SLC9D1: variants seen among roughly 807,000 people sequenced by gnomAD.
SLC9D1 encodes the protein solute carrier family 9 member D1.
At chr13:113,520,745 G>C in the SLC9D1 span, 1 of 1,569,090 alleles carries the variant, frequency 6.4e-7, no homozygotes, top group Non-Finnish European at 8.8e-7. Context: ...TAAACGCTTT[G>C]TGTACGCAAT....
chr13:113,495,551 A>G, the SLC9D1 span: 4 of 1,487,524 alleles, frequency 2.7e-6, no homozygotes, highest in Admixed American at 6.8e-5. Flanking sequence ...AGACCCGTGG[A>G]TTGCTGTGCC....
chr13:113,507,022 A>G, the SLC9D1 span, among the ~76,000 whole-genome samples: 2 of 152,016 alleles, frequency 1.3e-5, no homozygotes, highest in East Asian at 3.8e-4. Flanking sequence ...GATGCGTGGA[A>G]GGACACTGGA....
the SLC9D1 span, among the ~76,000 whole-genome samples, chr13:113,496,386 T>G: frequency 6.6e-6 from 1 of 152,236 alleles, no homozygotes; most frequent in African/African-American, 2.4e-5. Context: ...AAATCAACAT[T>G]TGCTGAGTTT....
At chr13:113,507,067 T>C in the SLC9D1 span, among the ~76,000 whole-genome samples, 28,036 of 151,888 alleles carry the variant, frequency 0.18, 3,423 homozygotes, top group African/African-American at 0.35. Flanking sequence ...AACTCCTTGC[T>C]GACATCTGAT....
At chr13:113,540,276 G>A in the SLC9D1 span, among the ~76,000 whole-genome samples, 1 of 152,150 alleles carries the variant, frequency 6.6e-6, no homozygotes, top group South Asian at 2.1e-4. Flanking sequence ...TTGCTGGGTC[G>A]AATGGTAATT....
chr13:113,542,509 G>A, the SLC9D1 span, among the ~76,000 whole-genome samples: 1 of 152,208 alleles, frequency 6.6e-6, no homozygotes, highest in South Asian at 2.1e-4. Context: ...GCCCACACAG[G>A]GCAAGTGGTG....
the SLC9D1 span, chr13:113,533,899 G>T: frequency 1.5e-6 from 1 of 667,102 alleles, no homozygotes; most frequent in Admixed American, 2.9e-5. Flanking sequence ...TGATTCATAG[G>T]TGTTTTTGTA....
the SLC9D1 span, among the ~76,000 whole-genome samples, chr13:113,507,620 T>A: frequency 6.6e-6 from 1 of 152,222 alleles, no homozygotes; most frequent in Non-Finnish European, 1.5e-5. Context: ...CCCTTGTAGC[T>A]GCTCGCTCCT....
chr13:113,506,573 G>A, the SLC9D1 span, among the ~76,000 whole-genome samples: 1 of 151,966 alleles, frequency 6.6e-6, no homozygotes, highest in African/African-American at 2.4e-5. Flanking sequence ...GTGTGTGTGT[G>A]TGTGTGTAAT....
At chr13:113,541,712 T>A in the SLC9D1 span, among the ~76,000 whole-genome samples, 150 of 28,380 alleles carry the variant, frequency 5.3e-3, 5 homozygotes, top group African/African-American at 0.023. Flanking sequence ...CCATGCTTTA[T>A]TACCGCCGAG....
the SLC9D1 span, among the ~76,000 whole-genome samples, chr13:113,499,504 C>T: frequency 3.9e-5 from 6 of 152,152 alleles, no homozygotes; most frequent in African/African-American, 7.2e-5. Context: ...ATCTCTGAAG[C>T]AGGAATTCAG....
the SLC9D1 span, chr13:113,503,377 GTGTGTGTA>G: frequency 1.5e-4 from 90 of 618,578 alleles, no homozygotes; most frequent in African/African-American, 8.4e-4. Context: ...GTGTGTGTGT[GTGTGTGTA>G]TGTGTGTTTT....
At chr13:113,494,983 T>C in the SLC9D1 span, among the ~76,000 whole-genome samples, 1 of 152,160 alleles carries the variant, frequency 6.6e-6, no homozygotes, top group Non-Finnish European at 1.5e-5. Context: ...TCCCGGGTTC[T>C]AGCGATTAGT....
chr13:113,523,266 G>A, the SLC9D1 span, among the ~76,000 whole-genome samples: 1 of 152,094 alleles, frequency 6.6e-6, no homozygotes, highest in Non-Finnish European at 1.5e-5. Flanking sequence ...GTAGAATTCT[G>A]CAGTAAAACC....
At chr13:113,496,127 C>T in the SLC9D1 span, 649 of 852,260 alleles carry the variant, frequency 7.6e-4, 2 homozygotes, top group African/African-American at 9.3e-3. Flanking sequence ...ACAGCCCACA[C>T]GGAGCTGGGG....
At chr13:113,496,452 A>G in the SLC9D1 span, among the ~76,000 whole-genome samples, 2 of 152,234 alleles carry the variant, frequency 1.3e-5, no homozygotes, top group Non-Finnish European at 2.9e-5. Context: ...TCATATATCG[A>G]AAATAAAAAT....
the SLC9D1 span, chr13:113,549,597 G>T: frequency 6.8e-6 from 11 of 1,609,758 alleles, no homozygotes; most frequent in Non-Finnish European, 9.3e-6. Context: ...GCGCTTAGAT[G>T]GCCAGCAGCT....
the SLC9D1 span, chr13:113,499,907 A>C: frequency 8.3e-7 from 1 of 1,201,206 alleles, no homozygotes; most frequent in South Asian, 2.7e-5. Context: ...ATTCTCCAAA[A>C]ATTGAAAGCA....
chr13:113,515,371 A>C, the SLC9D1 span, among the ~76,000 whole-genome samples: 13 of 152,206 alleles, frequency 8.5e-5, no homozygotes, highest in Non-Finnish European at 1.6e-4. Flanking sequence ...TCTGAACTTT[A>C]CATACATGCA....
Sources: gnomAD v4.1 joint callset for allele counts (sites outside exome capture counted in the v4.1 genomes callset) on GRCh38, gnomAD v4.1.1 for gene constraint, MANE v1.5 for transcripts, NCBI Gene and HGNC (gene_info 2026-07-23, HGNC 2026-07-21) for gene names.